Variants in AGBL4 observed in about 807,000 individuals in gnomAD.
AGBL4 encodes AGBL carboxypeptidase 4.
Under a neutral mutation model 66.4 loss-of-function variants are expected in AGBL4, and 58 were observed. The observed-to-expected ratio is 0.87, with a 90% CI of 0.71 to 1.09. AGBL4 has a LOEUF of 1.09. AGBL4 is among the 50% of genes least tolerant of loss of function. AGBL4 has a pLI of 0.00. For missense variants in AGBL4, 579 were observed against 631.0 expected (o/e 0.92, Z 0.88); for synonymous variants, 234 against 222.9 (o/e 1.05, Z -0.44).
chr1:48,540,318 A>G (rs1291426751), intron 11 of AGBL4, among the ~76,000 whole-genome samples: 1 of 152,202 alleles, frequency 6.6e-6, no homozygotes, highest in African/African-American at 2.4e-5. Context: ...TAAAAGCACA[A>G]ACTTCTTGGG....
At chr1:49,129,845 G>T (rs1451377156) in intron 4 of AGBL4, among the ~76,000 whole-genome samples, 2 of 152,074 alleles carry the variant, frequency 1.3e-5, no homozygotes, top group African/African-American at 2.4e-5. Flanking sequence ...GGGATGGCTG[G>T]GTCAAATGGT....
chr1:49,050,435 G>C (rs901601367), intron 4 of AGBL4, among the ~76,000 whole-genome samples: 2 of 151,918 alleles, frequency 1.3e-5, no homozygotes, highest in Non-Finnish European at 2.9e-5. Flanking sequence ...CTAGTTCTCC[G>C]GGACCTATAC....
intron 5 of AGBL4, among the ~76,000 whole-genome samples, chr1:49,028,977 T>C (rs1344269320): frequency 1.3e-5 from 2 of 152,098 alleles, no homozygotes; most frequent in Non-Finnish European, 1.5e-5. Flanking sequence ...ATCATTTCAA[T>C]AGACACAGAA....
At chr1:49,348,344 G>A (rs1353633813) in intron 3 of AGBL4, among the ~76,000 whole-genome samples, 1 of 152,074 alleles carries the variant, frequency 6.6e-6, no homozygotes, top group Non-Finnish European at 1.5e-5. Context: ...CATGAACCCG[G>A]GAGGCGGAGC....
chr1:49,451,896 T>G (rs1375114196), intron 3 of AGBL4, among the ~76,000 whole-genome samples: 1 of 151,926 alleles, frequency 6.6e-6, no homozygotes, highest in African/African-American at 2.4e-5. Context: ...AGAACTACAT[T>G]TGGTAGAGAA....
At chr1:49,065,450 C>T (rs1644475215) in intron 4 of AGBL4, among the ~76,000 whole-genome samples, 2 of 152,164 alleles carry the variant, frequency 1.3e-5, no homozygotes, top group Non-Finnish European at 2.9e-5. Context: ...TGAGAGTGTA[C>T]ACAATGTTTC....
chr1:48,663,897 A>T (rs1646145593), intron 6 of AGBL4, among the ~76,000 whole-genome samples: 3 of 152,142 alleles, frequency 2.0e-5, no homozygotes, highest in Non-Finnish European at 4.4e-5. Flanking sequence ...CACACAGCTG[A>T]AAAGTGGTGG....
chr1:48,619,353 T>C (rs976834714), intron 9 of AGBL4, among the ~76,000 whole-genome samples: 3 of 152,098 alleles, frequency 2.0e-5, no homozygotes, highest in Admixed American at 1.3e-4. Context: ...CATAAATGTG[T>C]GCAGCAGGAG....
intron 6 of AGBL4, among the ~76,000 whole-genome samples, chr1:48,813,266 G>C (rs1646098997): frequency 6.6e-6 from 1 of 152,134 alleles, no homozygotes; most frequent in Admixed American, 6.6e-5. Flanking sequence ...TGTCTGCTGA[G>C]AGACATGAAT....
At chr1:49,145,761 C>A (rs867491541) in intron 4 of AGBL4, among the ~76,000 whole-genome samples, 3 of 152,162 alleles carry the variant, frequency 2.0e-5, no homozygotes, top group Middle Eastern at 3.4e-3. Context: ...TGGGTATATA[C>A]CCAAAACAAA....
chr1:49,983,183 C>T (rs1659212444), intron 1 of AGBL4, among the ~76,000 whole-genome samples: 1 of 152,226 alleles, frequency 6.6e-6, no homozygotes, highest in African/African-American at 2.4e-5. Context: ...TTGCAGGCAA[C>T]AAGAAGGAGA....
chr1:49,012,027 A>G (rs1461440914), intron 5 of AGBL4, among the ~76,000 whole-genome samples: 2 of 151,676 alleles, frequency 1.3e-5, no homozygotes, highest in Admixed American at 6.6e-5. Context: ...AACTTAAAAT[A>G]TAATAATAAA....
chr1:49,526,013 ACC>A (rs779323860), intron 3 of AGBL4, among the ~76,000 whole-genome samples: 2 of 151,754 alleles, frequency 1.3e-5, no homozygotes, highest in Non-Finnish European at 2.9e-5. Context: ...AATGGCGTGA[ACC>A]CTGGGAGGTG....
rs561937830 is a variant in AGBL4, at chr1:50,022,189, G to C, written c.34+1574C>G. ...ACACTTAGAAAAGTTCTAGACATGTGGTATTGATAAAACAATGCCCTTGTA... is the reference window on the plus strand; with the variant it reads ...ACACTTAGAAAAGTTCTAGACATGTCGTATTGATAAAACAATGCCCTTGTA... On this transcript the variant is annotated intron_variant, in intron 1 of 13. Transcript: ENST00000371839. Among the ~76,000 whole-genome samples the C allele has an allele frequency of 7.2e-5, 11 of 152,144 alleles. No individual in the cohort carries two copies. The South Asian group carries it at 2.1e-3, about 29-fold the overall frequency.
intron 1 of AGBL4, among the ~76,000 whole-genome samples, chr1:49,917,378 G>A (rs930409919): frequency 9.9e-5 from 15 of 151,892 alleles, no homozygotes; most frequent in African/African-American, 3.6e-4. Flanking sequence ...AAAATAAAAG[G>A]ATGGAGGAAG....
At position 49,946,172 on chromosome 1, in the gene AGBL4, AT is replaced by A. The variant is rs200913813; in HGVS notation, c.34+77590del. On this transcript the variant is annotated intron_variant, in intron 1 of 13. Transcript: ENST00000371839. Reference sequence around the variant, plus strand: ...TCAAGACAGAAAGTCAACAACAACAATAAAAAAAATTTAAACTACACCCTGG... The same window carrying A: ...TCAAGACAGAAAGTCAACAACAACAAAAAAAAAATTTAAACTACACCCTGG... Among the ~76,000 whole-genome samples, 16 of 134,546 alleles carry A rather than the reference AT, an allele frequency of 1.2e-4. No individual in the cohort carries two copies. The South Asian group carries it at 1.3e-3, about 11-fold the overall frequency. 88.3% of individuals were successfully genotyped at this position (134,546 alleles called of 152,430 possible). A position where few individuals can be genotyped will look rare whatever the true frequency, so the allele number is the denominator to read the frequency against.
intron 2 of AGBL4, among the ~76,000 whole-genome samples, chr1:49,705,056 G>A (rs1217190081): frequency 6.6e-6 from 1 of 152,146 alleles, no homozygotes; most frequent in Non-Finnish European, 1.5e-5. Flanking sequence ...TCCTATCTAT[G>A]AGCATGGAAT....
intron 11 of AGBL4, among the ~76,000 whole-genome samples, chr1:48,578,735 G>A (rs1644691567): frequency 6.6e-6 from 1 of 152,228 alleles, no homozygotes; most frequent in South Asian, 2.1e-4. Flanking sequence ...GATGTTGGGT[G>A]AGGCCTGCTT....
Position 49,493,801 on chromosome 1 carries a change from T to A in AGBL4, c.282+203512A>T, listed in dbSNP as rs1044515221. Reference sequence around the variant, plus strand: ...TTGACAAAAAATAAATCCTATTTTTTAAAATTAAATAAATTGTTCTCTCTA... The same window carrying A: ...TTGACAAAAAATAAATCCTATTTTTAAAAATTAAATAAATTGTTCTCTCTA... On this transcript the variant is annotated intron_variant, in intron 3 of 13. Transcript: ENST00000371839. Among the ~76,000 whole-genome samples the A allele has an allele frequency of 5.9e-5, 9 of 152,198 alleles. No individual in the cohort carries two copies. In the East Asian group the frequency reaches 7.7e-4, roughly 13 times the overall value.
Sources: gnomAD v4.1 joint callset for allele counts (sites outside exome capture counted in the v4.1 genomes callset) on GRCh38, gnomAD v4.1.1 for gene constraint, MANE v1.5 for transcripts, NCBI Gene and HGNC (gene_info 2026-07-23, HGNC 2026-07-21) for gene names.